The following FER variants were observed in gnomAD, a reference collection of about 807,000 sequenced individuals.
FER encodes the protein tyrosine-protein kinase Fer.
A neutral mutation model predicts 111.0 loss-of-function variants in FER; 63 were observed. The observed-to-expected ratio is 0.57, with a 90% CI of 0.46 to 0.70. The LOEUF is 0.70. Among genes scored for constraint, FER ranks in the 30% least tolerant of loss-of-function variants. The pLI is 0.00. For missense variants in FER, 914 were observed against 954.0 expected (o/e 0.96, Z 0.55); for synonymous variants, 327 against 313.9 (o/e 1.04, Z -0.44).
intron 13 of FER, among the ~76,000 whole-genome samples, chr5:109,004,333 A>G (rs938461482): frequency 1.3e-5 from 2 of 152,218 alleles, no homozygotes; most frequent in African/African-American, 4.8e-5. Flanking sequence ...TTTATTGGCT[A>G]TCACTCAGTA....
rs879545217 is a variant in FER, at chr5:109,050,639, T to C, written c.1924+3441T>C. The stretch of plus-strand genomic sequence containing the variant: ...TGATGAAAAAGTGATGGTAATGATA[T>C]GGTGCAAGTGGATGGAAAAAATATA... On this transcript the variant is annotated intron_variant, in intron 16 of 19. Transcript: ENST00000281092. 3.9e-5 allele frequency among the ~76,000 whole-genome samples: 6 copies of C among 152,354 alleles called. No individual in the cohort carries two copies. In the East Asian group the frequency reaches 9.6e-4, roughly 24 times the overall value.
intron 13 of FER, among the ~76,000 whole-genome samples, chr5:108,968,362 G>A (rs1458429209): frequency 6.6e-6 from 1 of 152,068 alleles, no homozygotes; most frequent in Non-Finnish European, 1.5e-5. Flanking sequence ...CCTCTAGCCT[G>A]GGCCACAGAG....
Position 108,793,834 on chromosome 5 carries a change from T to C in FER, c.-59-4290T>C, listed in dbSNP as rs183291283. ...AGGTTACCATGAAGCTTGCAAATAC[T>C]GTTTTATAACCCAGTATTTTAAACT... On this transcript the variant is annotated intron_variant, in intron 2 of 19. Transcript: ENST00000281092. Among the ~76,000 whole-genome samples, 379 of 152,334 alleles carry C rather than the reference T, an allele frequency of 2.5e-3. 2 individuals are homozygous for C. The highest frequency in any genetic ancestry group is 3.9e-3 in the Admixed American group (60 of 15,298).
intron 8 of FER, 98 bp downstream of exon 8, chr5:108,872,310 G>A (rs1326368599): frequency 8.3e-7 from 1 of 1,202,588 alleles, no homozygotes; most frequent in Non-Finnish European, 1.1e-6. Context: ...TACAAGTATT[G>A]AACAGTAAAT....
intron 16 of FER, among the ~76,000 whole-genome samples, chr5:109,062,851 A>G (rs1223218172): frequency 6.6e-6 from 1 of 152,138 alleles, no homozygotes; most frequent in Admixed American, 6.5e-5. Flanking sequence ...ATGTTATATT[A>G]TCTGGTACAA....
chr5:109,023,288 T>G (rs1768186749), intron 13 of FER, among the ~76,000 whole-genome samples: 1 of 152,124 alleles, frequency 6.6e-6, no homozygotes, highest in Non-Finnish European at 1.5e-5. Context: ...TGAATAGTAG[T>G]TACATTTACT....
intron 13 of FER, among the ~76,000 whole-genome samples, chr5:109,022,049 TG>T (rs1767999005): frequency 6.6e-6 from 1 of 152,134 alleles, no homozygotes; most frequent in Admixed American, 6.6e-5. Context: ...GCTACTTCTC[TG>T]GCTCCATTTT....
At chr5:109,062,922 T>A (rs1235846942) in intron 16 of FER, among the ~76,000 whole-genome samples, 1 of 152,326 alleles carries the variant, frequency 6.6e-6, no homozygotes, top group African/African-American at 2.4e-5. Flanking sequence ...AATTTTAAAA[T>A]GACTTATGAC....
At chr5:109,115,507 A>G (rs368088019) in intron 17 of FER, among the ~76,000 whole-genome samples, 1 of 152,158 alleles carries the variant, frequency 6.6e-6, no homozygotes, top group East Asian at 1.9e-4. Context: ...CTCTACACCT[A>G]GGAGAATTTT....
intron 10 of FER, among the ~76,000 whole-genome samples, chr5:108,911,364 A>C (rs888500115): frequency 1.3e-5 from 2 of 152,028 alleles, no homozygotes; most frequent in Admixed American, 6.6e-5. Flanking sequence ...GATTCTGGAT[A>C]TTAGTACTTT....
intron 13 of FER, among the ~76,000 whole-genome samples, chr5:108,967,690 G>T (rs1213716431): frequency 6.7e-6 from 1 of 150,220 alleles, no homozygotes; most frequent in Admixed American, 6.6e-5. Flanking sequence ...AACCCGGGAG[G>T]TGGAGGCTGT....
intron 2 of FER, among the ~76,000 whole-genome samples, chr5:108,769,893 A>G (rs1297819354): frequency 6.6e-6 from 1 of 152,184 alleles, no homozygotes; most frequent in African/African-American, 2.4e-5. Context: ...GCAAATTTGT[A>G]ATATATACTA....
intron 9 of FER, among the ~76,000 whole-genome samples, chr5:108,895,636 C>A (rs1748972803): frequency 6.6e-6 from 1 of 152,060 alleles, no homozygotes; most frequent in Admixed American, 6.6e-5. Flanking sequence ...TACACTAGGC[C>A]CACCTGAATA....
intron 10 of FER, among the ~76,000 whole-genome samples, chr5:108,942,679 A>AC: frequency 6.6e-6 from 1 of 152,316 alleles, no homozygotes; most frequent in East Asian, 1.9e-4. Context: ...ACCTTAGGTT[A>AC]CTTACTTATA....
At chr5:109,100,933 G>C (rs548397055) in intron 17 of FER, among the ~76,000 whole-genome samples, 3 of 151,592 alleles carry the variant, frequency 2.0e-5, no homozygotes, top group African/African-American at 7.3e-5. Context: ...TCATAACAGT[G>C]AATTTGGTCA....
At chr5:109,119,784 T>C (rs555951176) in intron 17 of FER, among the ~76,000 whole-genome samples, 1 of 152,256 alleles carries the variant, frequency 6.6e-6, no homozygotes, top group Admixed American at 6.5e-5. Flanking sequence ...CCAGCATTTG[T>C]GATTGCCTGT....
chr5:109,063,758 G>A (rs866096045), intron 16 of FER, among the ~76,000 whole-genome samples: 2 of 152,138 alleles, frequency 1.3e-5, no homozygotes, highest in African/African-American at 4.8e-5. Context: ...TTATTATTTT[G>A]TGTTGTTTGA....
chr5:109,023,990 A>G (rs772518422), intron 13 of FER, among the ~76,000 whole-genome samples: 1 of 152,190 alleles, frequency 6.6e-6, no homozygotes, highest in South Asian at 2.1e-4. Context: ...TTAAGATCTC[A>G]TTTAATATTT....
At chr5:108,992,933 C>T (rs987163568) in intron 13 of FER, among the ~76,000 whole-genome samples, 13 of 146,228 alleles carry the variant, frequency 8.9e-5, no homozygotes, top group Non-Finnish European at 1.5e-4. Flanking sequence ...CCCACATCTC[C>T]GACGATGGGC....
Sources: gnomAD v4.1 joint callset for allele counts (sites outside exome capture counted in the v4.1 genomes callset) on GRCh38, gnomAD v4.1.1 for gene constraint, MANE v1.5 for transcripts, NCBI Gene and HGNC (gene_info 2026-07-23, HGNC 2026-07-21) for gene names.